PTPRT: variants seen among roughly 807,000 people sequenced by gnomAD.
PTPRT encodes protein tyrosine phosphatase receptor type T.
Under a neutral mutation model 176.8 loss-of-function variants are expected in PTPRT, and 56 were observed. The observed-to-expected ratio is 0.32, with a 90% CI of 0.26 to 0.40. The LOEUF (loss-of-function observed/expected upper bound fraction) is 0.40, where lower values mean the gene tolerates loss of function less well. PTPRT is among the 10% of genes least tolerant of loss of function. PTPRT has a pLI of 1.00. For missense variants in PTPRT, 1,540 were observed against 1,908.2 expected (o/e 0.81, Z 3.60); for synonymous variants, 783 against 739.0 (o/e 1.06, Z -0.96).
At chr20:42,621,683 T>C (rs2074199931) in intron 7 of PTPRT, among the ~76,000 whole-genome samples, 1 of 152,134 alleles carries the variant, frequency 6.6e-6, no homozygotes, top group African/African-American at 2.4e-5. Flanking sequence ...TTTCTTGGCA[T>C]TGTTTTCAAG....
intron 1 of PTPRT, among the ~76,000 whole-genome samples, chr20:42,912,414 C>T (rs1978457913): frequency 6.6e-6 from 1 of 152,148 alleles, no homozygotes; most frequent in Non-Finnish European, 1.5e-5. Flanking sequence ...ACTATTTATC[C>T]ATTCTAATTT....
At chr20:42,521,431 T>G (rs1314830441) in intron 7 of PTPRT, among the ~76,000 whole-genome samples, 1 of 152,224 alleles carries the variant, frequency 6.6e-6, no homozygotes, top group Non-Finnish European at 1.5e-5. Context: ...ATTTCAATAC[T>G]ACGTCCATTT....
chr20:42,037,548 C>T, the PTPRT span, among the ~76,000 whole-genome samples: 21 of 152,132 alleles, frequency 1.4e-4, no homozygotes, highest in Admixed American at 3.3e-4. Context: ...CAGTGGCACC[C>T]GAGGGGCTAG....
intron 11 of PTPRT, among the ~76,000 whole-genome samples, chr20:42,350,224 T>TTTTTGTTG (rs554965959): frequency 7.4e-4 from 19 of 25,594 alleles, no homozygotes; most frequent in East Asian, 6.3e-3. Context: ...GTTTTTTTTT[T>TTTTTGTTG]TTTTTTTTTT....
At chr20:42,546,364 C>T (rs2072673915) in intron 7 of PTPRT, among the ~76,000 whole-genome samples, 1 of 152,038 alleles carries the variant, frequency 6.6e-6, no homozygotes, top group Non-Finnish European at 1.5e-5. Context: ...TTTGAACACT[C>T]AGCAGTGTAT....
intron 1 of PTPRT, among the ~76,000 whole-genome samples, chr20:43,176,988 T>C (rs1295873230): frequency 2.0e-5 from 3 of 152,190 alleles, no homozygotes; most frequent in African/African-American, 7.2e-5. Context: ...CTCTGTGTAG[T>C]CACCGCACTC....
At chr20:42,931,751 G>A (rs1034131814) in intron 1 of PTPRT, among the ~76,000 whole-genome samples, 18 of 152,290 alleles carry the variant, frequency 1.2e-4, no homozygotes, top group Middle Eastern at 3.4e-3. Flanking sequence ...ACAAGTATTT[G>A]TCAAAGGATT....
At chr20:42,064,360 T>C in the PTPRT span, among the ~76,000 whole-genome samples, 1 of 152,230 alleles carries the variant, frequency 6.6e-6, no homozygotes, top group Non-Finnish European at 1.5e-5. Flanking sequence ...TTAACTATAG[T>C]GATTGTGACT....
chr20:42,283,184 C>T (rs1315315407), intron 12 of PTPRT, among the ~76,000 whole-genome samples: 1 of 152,104 alleles, frequency 6.6e-6, no homozygotes, highest in Non-Finnish European at 1.5e-5. Flanking sequence ...TTGCTGGGCA[C>T]ACAGTGGAGT....
intron 7 of PTPRT, among the ~76,000 whole-genome samples, chr20:42,623,770 G>C (rs1421486780): frequency 6.6e-6 from 1 of 151,532 alleles, no homozygotes; most frequent in Non-Finnish European, 1.5e-5. Flanking sequence ...TGATTTTCCT[G>C]AACTCTGAGT....
chr20:42,975,991 C>T (rs1982923242), intron 1 of PTPRT, among the ~76,000 whole-genome samples: 2 of 151,590 alleles, frequency 1.3e-5, no homozygotes, highest in South Asian at 4.2e-4. Context: ...CACATGCATT[C>T]TCTCCTCCTT....
chr20:42,110,549 A>G (rs2146293357), intron 22 of PTPRT, 62 bp from the exon 23 acceptor site: 2 of 1,520,830 alleles, frequency 1.3e-6, no homozygotes, highest in Non-Finnish European at 1.8e-6. Flanking sequence ...GCCCAGCAAC[A>G]CGTGGAGCCA....
chr20:42,565,984 C>T (rs551865561), intron 7 of PTPRT, among the ~76,000 whole-genome samples: 1 of 152,118 alleles, frequency 6.6e-6, no homozygotes, highest in Non-Finnish European at 1.5e-5. Flanking sequence ...TTCCATCACA[C>T]AGGGCTGTAG....
At chr20:42,743,224 T>C (rs733976) in intron 6 of PTPRT, among the ~76,000 whole-genome samples, 17,298 of 152,112 alleles carry the variant, frequency 0.11, 1,899 homozygotes, top group African/African-American at 0.28. Context: ...TGCCCCTGGA[T>C]AGACATATAA....
chr20:43,002,412 C>G (rs138481394), intron 1 of PTPRT, among the ~76,000 whole-genome samples: 1 of 152,096 alleles, frequency 6.6e-6, no homozygotes, highest in African/African-American at 2.4e-5. Flanking sequence ...AAAAGCTTTA[C>G]GCATACTTTG....
chr20:42,836,051 T>C (rs959400028), intron 2 of PTPRT, among the ~76,000 whole-genome samples: 13 of 152,198 alleles, frequency 8.5e-5, no homozygotes, highest in Admixed American at 7.8e-4. Context: ...AATTTTTCCA[T>C]TGGTAAGATG....
Position 42,079,960 on chromosome 20 carries a change from C to T in PTPRT, c.*919G>A, listed in dbSNP as rs1214047987. Reference sequence around the variant, plus strand: ...TTTGACATAAGAGACTAAGATTTTACACCCTCCAAAAGAAAGTTTCTTTTC... The same window carrying T: ...TTTGACATAAGAGACTAAGATTTTATACCCTCCAAAAGAAAGTTTCTTTTC... On this transcript the variant is annotated 3_prime_UTR_variant, in exon 31 of 31. Coordinates refer to ENST00000373187, the MANE Select transcript of PTPRT (RefSeq NM_007050.6). The T allele has an allele frequency of 4.8e-5, 11 of 231,080 alleles. No homozygotes were observed. The highest frequency in any genetic ancestry group is 5.6e-5 in the Admixed American group (1 of 17,708). The allele number at this position is 231,080 out of a possible 1,614,324, so 14.3% of individuals were successfully genotyped here.
intron 9 of PTPRT, among the ~76,000 whole-genome samples, chr20:42,390,731 G>A (rs1214877579): frequency 1.3e-5 from 2 of 152,120 alleles, no homozygotes; most frequent in Admixed American, 6.6e-5. Flanking sequence ...CATCTCAACT[G>A]CAACTTTAAG....
chr20:42,694,250 G>C (rs56364151), intron 6 of PTPRT, among the ~76,000 whole-genome samples: 2,543 of 152,126 alleles, frequency 0.017, 32 homozygotes, highest in Admixed American at 0.037. Flanking sequence ...GTGTTAGCCA[G>C]GATGGTCTCG....
Sources: gnomAD v4.1 joint callset for allele counts (sites outside exome capture counted in the v4.1 genomes callset) on GRCh38, gnomAD v4.1.1 for gene constraint, MANE v1.5 for transcripts, NCBI Gene and HGNC (gene_info 2026-07-23, HGNC 2026-07-21) for gene names.